The following LOC400499 variants were observed in gnomAD, a reference collection of about 807,000 sequenced individuals.
the LOC400499 span, among the ~76,000 whole-genome samples, chr16:11,452,585 C>A: frequency 6.6e-6 from 1 of 152,246 alleles, no homozygotes; most frequent in Non-Finnish European, 1.5e-5. Flanking sequence ...AACTCCGGAG[C>A]TGGAAGGACA....
chr16:11,505,789 G>T, the LOC400499 span, among the ~76,000 whole-genome samples: 1 of 151,800 alleles, frequency 6.6e-6, no homozygotes, highest in Non-Finnish European at 1.5e-5. Flanking sequence ...ATATTTTCAG[G>T]GTACCCGTGA....
At chr16:11,451,328 C>G in the LOC400499 span, among the ~76,000 whole-genome samples, 2 of 152,150 alleles carry the variant, frequency 1.3e-5, no homozygotes, top group Non-Finnish European at 2.9e-5. Context: ...GCCTGTAATC[C>G]CAGCACTTTG....
the LOC400499 span, chr16:11,456,932 G>A: frequency 9.1e-6 from 14 of 1,536,308 alleles, no homozygotes; most frequent in Non-Finnish European, 1.2e-5. Context: ...GCCGCCCATT[G>A]TACTGCACCT....
chr16:11,373,123 T>G, the LOC400499 span, among the ~76,000 whole-genome samples: 2 of 152,162 alleles, frequency 1.3e-5, no homozygotes, highest in East Asian at 1.9e-4. Context: ...GAGCTCAGGA[T>G]GCATCCAACC....
the LOC400499 span, among the ~76,000 whole-genome samples, chr16:11,430,142 C>A: frequency 6.6e-6 from 1 of 152,170 alleles, no homozygotes; most frequent in Non-Finnish European, 1.5e-5. Flanking sequence ...AAGTGTCACT[C>A]AAACCCAGAC....
At chr16:11,468,076 C>A in the LOC400499 span, among the ~76,000 whole-genome samples, 24 of 152,110 alleles carry the variant, frequency 1.6e-4, no homozygotes, top group East Asian at 3.9e-3. Context: ...TCCCTGACAG[C>A]CTTCACAGGT....
At chr16:11,426,333 G>A in the LOC400499 span, among the ~76,000 whole-genome samples, 6 of 152,188 alleles carry the variant, frequency 3.9e-5, no homozygotes, top group Admixed American at 2.6e-4. Flanking sequence ...CTACTTGGGA[G>A]GCTAAAGTAG....
the LOC400499 span, chr16:11,494,523 C>A: frequency 1.5e-5 from 5 of 327,614 alleles, no homozygotes; most frequent in African/African-American, 2.1e-5. Flanking sequence ...TGATTCGCTT[C>A]GGCCCCACTG....
chr16:11,472,025 T>A, the LOC400499 span: 2 of 390,364 alleles, frequency 5.1e-6, no homozygotes, highest in Non-Finnish European at 9.0e-6. Context: ...GATCAGATCA[T>A]CTTATTTGGG....
At chr16:11,452,962 T>C in the LOC400499 span, among the ~76,000 whole-genome samples, 6 of 152,236 alleles carry the variant, frequency 3.9e-5, no homozygotes, top group Admixed American at 2.6e-4. Context: ...TTTCCTTTTT[T>C]ACTTCCTGAG....
the LOC400499 span, among the ~76,000 whole-genome samples, chr16:11,380,360 T>C: frequency 2.0e-5 from 3 of 152,068 alleles, no homozygotes; most frequent in South Asian, 4.2e-4. Context: ...GGCGGGCAGA[T>C]CACGAAGTCA....
the LOC400499 span, chr16:11,431,130 C>T: frequency 2.5e-6 from 1 of 399,060 alleles, no homozygotes; most frequent in East Asian, 3.6e-5. Flanking sequence ...GGGTTTGGCT[C>T]TGGAAAGTCA....
chr16:11,399,754 G>A, the LOC400499 span: 1 of 398,946 alleles, frequency 2.5e-6, no homozygotes, highest in Non-Finnish European at 4.4e-6. Context: ...GTGTGCTAAG[G>A]ACCCGTCAGC....
At chr16:11,494,858 T>C in the LOC400499 span, 1 of 398,198 alleles carries the variant, frequency 2.5e-6, no homozygotes, top group South Asian at 1.3e-4. Context: ...AACTTCATAA[T>C]ACAGAGCTGA....
the LOC400499 span, among the ~76,000 whole-genome samples, chr16:11,427,878 G>T: frequency 8.2e-4 from 125 of 152,328 alleles, no homozygotes; most frequent in African/African-American, 3.0e-3. Flanking sequence ...CTATTTGGGT[G>T]TAAGGTGTTC....
chr16:11,516,226 T>C, the LOC400499 span: 1 of 399,650 alleles, frequency 2.5e-6, no homozygotes, highest in Non-Finnish European at 4.4e-6. Flanking sequence ...GCACCCAGCG[T>C]GGCTCAGTGG....
At chr16:11,462,280 G>C in the LOC400499 span, 2 of 1,508,768 alleles carry the variant, frequency 1.3e-6, no homozygotes, top group Non-Finnish European at 1.8e-6. Flanking sequence ...CGCCACCCAT[G>C]GCTGGCTGCA....
At chr16:11,491,521 G>A in the LOC400499 span, among the ~76,000 whole-genome samples, 48 of 152,070 alleles carry the variant, frequency 3.2e-4, no homozygotes, top group African/African-American at 1.1e-3. Context: ...ATGTGGGGGA[G>A]GGGAGAATAC....
chr16:11,502,435 A>G, the LOC400499 span, among the ~76,000 whole-genome samples: 12 of 152,314 alleles, frequency 7.9e-5, no homozygotes, highest in African/African-American at 2.9e-4. Context: ...AGCACCTACT[A>G]TGTGCCTTGC....
Sources: gnomAD v4.1 joint callset for allele counts (sites outside exome capture counted in the v4.1 genomes callset) on GRCh38, gnomAD v4.1.1 for gene constraint, MANE v1.5 for transcripts.